Variants in SOX6 observed in about 807,000 individuals in gnomAD.
SOX6 encodes SRY-box transcription factor 6.
In SOX6, 11 loss-of-function variants were observed where a neutral mutation model predicts 97.8. That is an observed-to-expected ratio of 0.11 (90% confidence interval 0.07 to 0.19). The LOEUF (loss-of-function observed/expected upper bound fraction) is 0.19, where lower values mean the gene tolerates loss of function less well. Ranked by LOEUF, SOX6 falls within the 10% of genes least tolerant of loss-of-function variation. The pLI is 1.00. For missense variants in SOX6, 810 were observed against 1,039.5 expected (o/e 0.78, Z 3.04); for synonymous variants, 360 against 371.4 (o/e 0.97, Z 0.35).
chr11:16,686,925 T>C (rs1194977842), intron 3 of SOX6, among the ~76,000 whole-genome samples: 2 of 152,020 alleles, frequency 1.3e-5, no homozygotes, highest in Non-Finnish European at 2.9e-5. Context: ...ATTGCACCAC[T>C]GCACTCCAGC....
chr11:16,332,363 T>A (rs1382430269), intron 2 of SOX6, among the ~76,000 whole-genome samples: 1 of 152,186 alleles, frequency 6.6e-6, no homozygotes, highest in East Asian at 1.9e-4. Context: ...TATTCATTTC[T>A]CAGCAAAAGA....
intron 1 of SOX6, among the ~76,000 whole-genome samples, chr11:16,446,563 G>A (rs1473609197): frequency 6.6e-6 from 1 of 152,058 alleles, no homozygotes; most frequent in Non-Finnish European, 1.5e-5. Context: ...GAGTTAAAGT[G>A]ATCCCAAACA....
chr11:16,526,796 G>C (rs1467265043), intron 4 of SOX6, among the ~76,000 whole-genome samples: 2 of 151,922 alleles, frequency 1.3e-5, no homozygotes, highest in Non-Finnish European at 2.9e-5. Flanking sequence ...CAAGAAAATA[G>C]AGACATAGAA....
chr11:16,654,945 T>C (rs990813380), intron 3 of SOX6, among the ~76,000 whole-genome samples: 5 of 152,124 alleles, frequency 3.3e-5, no homozygotes, highest in African/African-American at 4.8e-5. Context: ...TTTCTAATAA[T>C]AAACCATCTC....
intron 4 of SOX6, among the ~76,000 whole-genome samples, chr11:16,593,092 A>G (rs895293226): frequency 6.6e-6 from 1 of 152,212 alleles, no homozygotes. Flanking sequence ...CATAAAGCAC[A>G]TATAGATATT....
At chr11:16,671,090 A>G (rs1418070724) in intron 3 of SOX6, among the ~76,000 whole-genome samples, 3 of 152,238 alleles carry the variant, frequency 2.0e-5, no homozygotes, top group African/African-American at 7.2e-5. Flanking sequence ...CTACAGATAA[A>G]GATCCTGCAC....
chr11:16,630,177 G>A (rs1022959546), intron 3 of SOX6, among the ~76,000 whole-genome samples: 10 of 152,026 alleles, frequency 6.6e-5, no homozygotes, highest in African/African-American at 2.4e-4. Context: ...TAGGTATAAT[G>A]TTAGATCATT....
intron 3 of SOX6, among the ~76,000 whole-genome samples, chr11:16,703,362 C>T (rs1848108865): frequency 6.6e-6 from 1 of 151,972 alleles, no homozygotes. Flanking sequence ...CTTGCCATTG[C>T]CAGAAACATT....
At chr11:16,433,679 A>G (rs1241517593) in intron 1 of SOX6, among the ~76,000 whole-genome samples, 1 of 152,050 alleles carries the variant, frequency 6.6e-6, no homozygotes, top group African/African-American at 2.4e-5. Context: ...GGAGACTTGA[A>G]GAAGGTCAGT....
At chr11:16,303,010 C>A (rs1326902943) in intron 3 of SOX6, among the ~76,000 whole-genome samples, 1 of 152,106 alleles carries the variant, frequency 6.6e-6, no homozygotes, top group Non-Finnish European at 1.5e-5. Context: ...TTCTTCTACC[C>A]TTTTCTCCAC....
intron 3 of SOX6, among the ~76,000 whole-genome samples, chr11:16,652,260 C>T (rs745549349): frequency 1.3e-5 from 2 of 151,910 alleles, no homozygotes; most frequent in South Asian, 4.1e-4. Context: ...AGGAAAAACA[C>T]TCTTAAAATT....
intron 9 of SOX6, among the ~76,000 whole-genome samples, chr11:16,088,579 C>A (rs769086672): frequency 5.9e-5 from 9 of 152,014 alleles, no homozygotes; most frequent in Non-Finnish European, 1.0e-4. Context: ...TTCAAATTTC[C>A]TGAGCATGAT....
intron 7 of SOX6, among the ~76,000 whole-genome samples, chr11:16,098,315 G>A (rs1174378196): frequency 2.0e-5 from 3 of 151,794 alleles, no homozygotes; most frequent in Non-Finnish European, 4.4e-5. Flanking sequence ...TCCTAGTACA[G>A]AATCATGCAT....
rs141786866 is a variant in SOX6 at position 16,528,230 on chromosome 11, A to G, written n.610-51842T>C. 1.8e-3 allele frequency among the ~76,000 whole-genome samples: 271 copies of G among 152,262 alleles called. 1 individual carries two copies. The highest frequency in any genetic ancestry group is 6.3e-3 in the African/African-American group (262 of 41,558). ...AAAGTCAATGGGAAGGAGGAAATAT[A>G]CTTACTCTATAAGAAATGAAGAAAT... On this transcript the variant is annotated intron_variant and non_coding_transcript_variant, in intron 4 of 5. Coordinates refer to the SOX6 transcript ENST00000524520.
chr11:16,212,389 AT>A (rs1417881011), intron 4 of SOX6, among the ~76,000 whole-genome samples: 3 of 152,072 alleles, frequency 2.0e-5, no homozygotes, highest in East Asian at 1.9e-4. Flanking sequence ...CTATGGTATT[AT>A]TTTTACATGT....
chr11:16,722,349 C>G (rs977071522), intron 2 of SOX6, among the ~76,000 whole-genome samples: 1 of 152,140 alleles, frequency 6.6e-6, no homozygotes, highest in Non-Finnish European at 1.5e-5. Flanking sequence ...AAATAAACAA[C>G]CCCATTAAAA....
chr11:16,410,412 G>A (rs552389783), intron 1 of SOX6, among the ~76,000 whole-genome samples: 1 of 151,968 alleles, frequency 6.6e-6, no homozygotes, highest in Non-Finnish European at 1.5e-5. Flanking sequence ...CAAAGAACAC[G>A]CAATGACATC....
intron 6 of SOX6, among the ~76,000 whole-genome samples, chr11:16,149,738 A>G (rs1435377291): frequency 6.6e-6 from 1 of 152,222 alleles, no homozygotes; most frequent in Non-Finnish European, 1.5e-5. Flanking sequence ...TTAGCTAATG[A>G]GCAAGTGACT....
chr11:16,697,018 T>A (rs763650609), intron 3 of SOX6, among the ~76,000 whole-genome samples: 2 of 152,204 alleles, frequency 1.3e-5, no homozygotes, highest in Non-Finnish European at 2.9e-5. Flanking sequence ...AGCATCTTCA[T>A]CAGCTGTAGA....
Sources: gnomAD v4.1 joint callset for allele counts (sites outside exome capture counted in the v4.1 genomes callset) on GRCh38, gnomAD v4.1.1 for gene constraint, MANE v1.5 for transcripts, NCBI Gene and HGNC (gene_info 2026-07-23, HGNC 2026-07-21) for gene names.